LIPA: variants seen among roughly 807,000 people sequenced by gnomAD.
LIPA encodes lipase A, lysosomal acid type, also known as lysosomal acid lipase/cholesteryl ester hydrolase.
Under a neutral mutation model 40.6 loss-of-function variants are expected in LIPA, and 26 were observed. That is an observed-to-expected ratio of 0.64 (90% CI 0.47 to 0.89). The LOEUF (loss-of-function observed/expected upper bound fraction) is 0.89, where lower values mean the gene tolerates loss of function less well. Ranked by LOEUF, LIPA falls within the 40% of genes least tolerant of loss-of-function variation. LIPA has a pLI of 0.00. For synonymous variants in LIPA, 188 were observed against 168.4 expected (o/e 1.12, Z -0.90); for missense variants, 455 against 479.6 (o/e 0.95, Z 0.48).
intron 1 of LIPA, among the ~76,000 whole-genome samples, chr10:89,256,900 C>A (rs1050972218): frequency 6.6e-6 from 1 of 152,106 alleles, no homozygotes; most frequent in Admixed American, 6.5e-5. Context: ...ATGACCTATA[C>A]CTTTTCCAAG....
intron 1 of LIPA, chr10:89,338,731 A>T (rs1230024968): frequency 6.2e-7 from 1 of 1,613,714 alleles, no homozygotes; most frequent in Non-Finnish European, 8.5e-7. Context: ...GAACTTATTC[A>T]AGGAAGACAG....
At chr10:89,277,400 A>G (rs2133496196) in intron 1 of LIPA, among the ~76,000 whole-genome samples, 1 of 152,378 alleles carries the variant, frequency 6.6e-6, no homozygotes, top group African/African-American at 2.4e-5. Flanking sequence ...TTTAAGTAAA[A>G]CACCTAAGAG....
intron 2 of LIPA, among the ~76,000 whole-genome samples, chr10:89,410,688 G>A (rs1368277012): frequency 6.6e-6 from 1 of 152,232 alleles, no homozygotes; most frequent in Non-Finnish European, 1.5e-5. Flanking sequence ...ACATGCCCAT[G>A]CTGCAATATG....
intron 2 of LIPA, among the ~76,000 whole-genome samples, chr10:89,387,141 C>T (rs990465870): frequency 6.6e-6 from 1 of 151,940 alleles, no homozygotes; most frequent in Non-Finnish European, 1.5e-5. Context: ...ACAGTGAAAC[C>T]CCGCCTCTAC....
At chr10:89,255,516 A>G (rs1843176445), upstream of LIPA, among the ~76,000 whole-genome samples, 1 of 152,228 alleles carries the variant, frequency 6.6e-6, no homozygotes, top group Admixed American at 6.5e-5. Context: ...GCCAAACCAT[A>G]TCAGAAGGCT....
chr10:89,374,953 C>T (rs768332071), intron 2 of LIPA, among the ~76,000 whole-genome samples: 33 of 152,162 alleles, frequency 2.2e-4, no homozygotes, highest in Non-Finnish European at 4.0e-4. Flanking sequence ...ACAGGACACC[C>T]CTATCTCAGC....
intron 2 of LIPA, among the ~76,000 whole-genome samples, chr10:89,357,109 T>C (rs748982407): frequency 6.6e-6 from 1 of 152,158 alleles, no homozygotes; most frequent in Non-Finnish European, 1.5e-5. Flanking sequence ...AAGGGGTCTG[T>C]TATGAATAAG....
chr10:89,410,291 G>A (rs1220199703), intron 2 of LIPA, among the ~76,000 whole-genome samples: 1 of 152,190 alleles, frequency 6.6e-6, no homozygotes, highest in African/African-American at 2.4e-5. Context: ...TAGATACCAG[G>A]TGCTACTCCT....
At chr10:89,406,478 C>T (rs910064886) in intron 2 of LIPA, 7 of 152,298 alleles carry the variant, frequency 4.6e-5, no homozygotes, top group African/African-American at 1.7e-4. Context: ...ATAAATCTTG[C>T]TGCTGCTCAC....
intron 2 of LIPA, among the ~76,000 whole-genome samples, chr10:89,350,924 T>C (rs1035085710): frequency 3.9e-5 from 6 of 152,180 alleles, no homozygotes; most frequent in African/African-American, 7.2e-5. Context: ...TTGGGTTTTC[T>C]TACATACAAC....
chr10:89,410,381 G>T (rs1338396567), intron 2 of LIPA, among the ~76,000 whole-genome samples: 1 of 152,180 alleles, frequency 6.6e-6, no homozygotes, highest in Admixed American at 6.5e-5. Context: ...GGAACCAATT[G>T]AGCATGACTG....
In LIPA at chr10:89,214,995, C is replaced by T. The variant is rs1446626293; in HGVS notation, c.1033G>A (p.Asp345Asn). The change falls in exon 10 of 10, where the codon GAC (aspartate) becomes AAC (asparagine). Residue 345 changes from aspartate (D) to asparagine (N), a missense_variant. Physicochemically the swap from Asp to Asn is conservative, Grantham distance 23. Coordinates refer to ENST00000336233, the MANE Select transcript of LIPA (RefSeq NM_000235.4). Reference sequence around the variant, plus strand: ...ACGTCGTAGACATCTGCAAGCCAGTCGTGACCCCCGCTCCAGACTGCAGTC... The same window carrying T: ...ACGTCGTAGACATCTGCAAGCCAGTTGTGACCCCCGCTCCAGACTGCAGTC... The part of the protein sequence containing the change: ...VPTAVWSGGH[D>N]WLADVYDVNI... 1.9e-6 allele frequency: 3 copies of T among 1,614,136 alleles called. No homozygotes were observed. Among genetic ancestry groups the T allele is most frequent in the Non-Finnish European group, 2.5e-6 (3 of 1,180,006 alleles).
intron 2 of LIPA, among the ~76,000 whole-genome samples, chr10:89,350,330 G>C (rs1376292169): frequency 1.0e-5 from 1 of 98,048 alleles, no homozygotes; most frequent in South Asian, 6.1e-4. Context: ...TTTTTAAGAC[G>C]GAGTCTTGCT....
chr10:89,271,560 G>T (rs1057292243), intron 1 of LIPA, among the ~76,000 whole-genome samples: 4 of 152,180 alleles, frequency 2.6e-5, no homozygotes, highest in Non-Finnish European at 4.4e-5. Flanking sequence ...GGAGGAGTAT[G>T]GTGGCTTGCA....
intron 2 of LIPA, among the ~76,000 whole-genome samples, chr10:89,398,159 G>A (rs1403155964): frequency 1.3e-5 from 2 of 152,204 alleles, no homozygotes; most frequent in Non-Finnish European, 2.9e-5. Context: ...AAGGTCAGAA[G>A]GTTCTGCAGA....
intron 2 of LIPA, among the ~76,000 whole-genome samples, chr10:89,361,059 TC>T (rs1359706258): frequency 2.0e-5 from 3 of 152,180 alleles, no homozygotes; most frequent in Non-Finnish European, 4.4e-5. Flanking sequence ...TGGGTTAGCG[TC>T]CTCCCAATGT....
At chr10:89,345,536 AAAT>A (rs1248541259), upstream of LIPA, among the ~76,000 whole-genome samples, 2 of 37,098 alleles carry the variant, frequency 5.4e-5, no homozygotes, top group Non-Finnish European at 9.4e-5. Context: ...CTCAAAAAAT[AAAT>A]AAATAAATAA....
intron 1 of LIPA, among the ~76,000 whole-genome samples, chr10:89,289,295 T>C (rs893944810): frequency 1.1e-4 from 17 of 152,196 alleles, no homozygotes; most frequent in African/African-American, 1.7e-4. Context: ...TCTTAGAACC[T>C]CTCATTTCCT....
chr10:89,221,803 C>T (rs1039790047), intron 8 of LIPA, among the ~76,000 whole-genome samples: 10 of 152,142 alleles, frequency 6.6e-5, no homozygotes, highest in Admixed American at 3.9e-4. Flanking sequence ...ATGTCTTTAA[C>T]AGCATCTTTT....
Sources: gnomAD v4.1 joint callset for allele counts (sites outside exome capture counted in the v4.1 genomes callset) on GRCh38, gnomAD v4.1.1 for gene constraint, MANE v1.5 for transcripts, NCBI Gene and HGNC (gene_info 2026-07-23, HGNC 2026-07-21) for gene names.